Variants in C10orf67 observed in about 807,000 individuals in gnomAD.
The protein encoded by C10orf67 is chromosome 10 open reading frame 67.
C10orf67 carries 60 observed loss-of-function variants against 35.6 expected under a neutral mutation model. That is an observed-to-expected ratio of 1.68 (90% CI 1.37 to 2.09). The LOEUF is 2.09. Among genes scored for constraint, C10orf67 ranks in the 30% most tolerant of loss-of-function variants. C10orf67 has a pLI of 0.00. For missense variants in C10orf67, 474 were observed against 330.2 expected, an observed-to-expected ratio of 1.44 and a Z score of -3.38; for synonymous variants, 167 against 115.8, an observed-to-expected ratio of 1.44 and a Z score of -2.84.
At chr10:23,332,366 C>A (rs150640222) in intron 2 of C10orf67, among the ~76,000 whole-genome samples, 9 of 152,210 alleles carry the variant, frequency 5.9e-5, no homozygotes, top group Non-Finnish European at 1.2e-4. Context: ...AACGTACATG[C>A]AATACTATGC....
chr10:23,292,036 T>C (rs1220250143), intron 5 of C10orf67, among the ~76,000 whole-genome samples: 4 of 152,164 alleles, frequency 2.6e-5, no homozygotes, highest in Non-Finnish European at 4.4e-5. Context: ...TTTAAAGTTA[T>C]AGTTTTAGTA....
chr10:23,226,783 A>T (rs1000018063), intron 13 of C10orf67, among the ~76,000 whole-genome samples: 8 of 152,206 alleles, frequency 5.3e-5, no homozygotes, highest in Non-Finnish European at 1.2e-4. Flanking sequence ...ACAGAAACAC[A>T]AACTACCATC....
intron 15 of C10orf67, among the ~76,000 whole-genome samples, chr10:23,207,646 G>T (rs1021532817): frequency 6.6e-6 from 1 of 152,146 alleles, no homozygotes; most frequent in Non-Finnish European, 1.5e-5. Flanking sequence ...AAACCACATC[G>T]GTCACAGTTG....
intron 4 of C10orf67, among the ~76,000 whole-genome samples, chr10:23,305,963 A>ACG (rs200084032): frequency 0.018 from 2,617 of 142,602 alleles, 138 homozygotes; most frequent in Admixed American, 0.11. Context: ...AACGTTACAT[A>ACG]CGCGCACACA....
At chr10:23,328,019 C>A (rs902053423) in intron 2 of C10orf67, among the ~76,000 whole-genome samples, 1 of 152,002 alleles carries the variant, frequency 6.6e-6, no homozygotes, top group African/African-American at 2.4e-5. Context: ...AATTTAATAA[C>A]TTTCTTATTA....
intron 15 of C10orf67, among the ~76,000 whole-genome samples, chr10:23,217,343 T>C (rs1841458337): frequency 6.6e-6 from 1 of 152,206 alleles, no homozygotes; most frequent in Non-Finnish European, 1.5e-5. Flanking sequence ...GTACCTTTCA[T>C]ATACAAGGAT....
chr10:23,209,998 TAAAAA>T lies in C10orf67; in HGVS notation c.1571-5748_1571-5744del, dbSNP rs59247961. Among the ~76,000 whole-genome samples, 22 of 67,214 alleles carry T rather than the reference TAAAAA, an allele frequency of 3.3e-4. No homozygotes were observed. In the East Asian group the frequency reaches 3.4e-3, roughly 10 times the overall value. The allele number at this position is 67,214 out of a possible 152,430, so 44.1% of individuals were successfully genotyped here. ...TTGGGCAATAGAGCCAGACCTTGGC[TAAAAA>T]AAAAAAAAAAAAAAAAAAAGGAATT... On this transcript the variant is annotated intron_variant, in intron 15 of 15. Transcript: ENST00000636213.
At chr10:23,276,811 C>T (rs1019391970) in intron 8 of C10orf67, among the ~76,000 whole-genome samples, 8 of 152,046 alleles carry the variant, frequency 5.3e-5, no homozygotes, top group South Asian at 2.1e-4. Flanking sequence ...CCTCCCTGAG[C>T]GCAGGGGTAA....
chr10:23,335,046 G>T (rs1845622244), intron 1 of C10orf67, among the ~76,000 whole-genome samples: 2 of 152,196 alleles, frequency 1.3e-5, no homozygotes, highest in South Asian at 4.1e-4. Context: ...AAATTAGCTG[G>T]GTGTGGTGGC....
chr10:23,255,939 T>A (rs1390787941), intron 10 of C10orf67, among the ~76,000 whole-genome samples: 2 of 152,196 alleles, frequency 1.3e-5, no homozygotes, highest in African/African-American at 4.8e-5. Flanking sequence ...AGGATTTTCT[T>A]AAAAATTTTC....
intron 13 of C10orf67, among the ~76,000 whole-genome samples, chr10:23,226,897 T>C (rs1841757827): frequency 6.6e-6 from 1 of 152,170 alleles, no homozygotes; most frequent in South Asian, 2.1e-4. Context: ...CAGGAAGAAG[T>C]TGAATCCCTG....
chr10:23,284,487 A>G (rs1297202014), intron 7 of C10orf67, among the ~76,000 whole-genome samples: 1 of 151,594 alleles, frequency 6.6e-6, no homozygotes, highest in Non-Finnish European at 1.5e-5. Flanking sequence ...GTTCGAGACC[A>G]GCCTGAGCAA....
intron 10 of C10orf67, among the ~76,000 whole-genome samples, chr10:23,255,655 A>G (rs537459443): frequency 6.6e-6 from 1 of 152,328 alleles, no homozygotes; most frequent in Admixed American, 6.5e-5. Context: ...CACTTCAGTG[A>G]TAGGAATGTA....
intron 2 of C10orf67, among the ~76,000 whole-genome samples, chr10:23,325,092 T>G (rs996071165): frequency 6.6e-6 from 1 of 152,116 alleles, no homozygotes; most frequent in Non-Finnish European, 1.5e-5. Context: ...ATCCCAGCAC[T>G]TTGGGAGGCC....
At chr10:23,254,101 G>A (rs1842537580) in intron 10 of C10orf67, among the ~76,000 whole-genome samples, 1 of 152,194 alleles carries the variant, frequency 6.6e-6, no homozygotes, top group Non-Finnish European at 1.5e-5. Context: ...ATAGATTGAT[G>A]TGAAAATGAG....
chr10:23,256,685 T>TG (rs2132171359), intron 10 of C10orf67, among the ~76,000 whole-genome samples: 1 of 150,784 alleles, frequency 6.6e-6, no homozygotes, highest in Admixed American at 6.6e-5. Flanking sequence ...CTCACAAGTT[T>TG]TTTTTTTTTT....
intron 13 of C10orf67, among the ~76,000 whole-genome samples, chr10:23,229,585 T>C (rs2132119300): frequency 6.6e-6 from 1 of 152,108 alleles, no homozygotes; most frequent in Admixed American, 6.6e-5. Flanking sequence ...AGTATAATAA[T>C]AATAAAAAAA....
intron 12 of C10orf67, among the ~76,000 whole-genome samples, chr10:23,243,911 A>C (rs962076259): frequency 2.6e-5 from 4 of 152,086 alleles, no homozygotes; most frequent in African/African-American, 9.7e-5. Flanking sequence ...TTTTATCTTG[A>C]GAAAAGGTCC....
chr10:23,333,794 G>T (rs1184530424), intron 1 of C10orf67, among the ~76,000 whole-genome samples: 1 of 152,064 alleles, frequency 6.6e-6, no homozygotes, highest in African/African-American at 2.4e-5. Flanking sequence ...CTCTTCTCAT[G>T]AAAGTTTTTG....
Sources: allele counts gnomAD v4.1 joint callset (sites outside exome capture counted in the v4.1 genomes callset), GRCh38; gene constraint gnomAD v4.1.1; transcripts MANE v1.5; gene names NCBI Gene and HGNC (gene_info 2026-07-23, HGNC 2026-07-21).